Variants in ADCY2 observed in about 807,000 individuals in gnomAD.
The protein encoded by ADCY2 is adenylate cyclase type 2.
ADCY2 carries 31 observed loss-of-function variants against 125.2 expected under a neutral mutation model. The ratio of observed to expected loss-of-function variants is 0.25; its 90% confidence interval spans 0.19 to 0.33. ADCY2 has a LOEUF of 0.33. ADCY2 is among the 10% of genes least tolerant of loss of function. The pLI is 1.00. For missense variants in ADCY2, 904 were observed against 1,418.2 expected (o/e 0.64, Z 5.82); for synonymous variants, 512 against 548.4 (o/e 0.93, Z 0.93).
At chr5:7,728,064 TA>T (rs1741985669) in intron 14 of ADCY2, among the ~76,000 whole-genome samples, 1 of 152,162 alleles carries the variant, frequency 6.6e-6, no homozygotes, top group Admixed American at 6.5e-5. Context: ...TCTGATCATA[TA>T]TTTTTTTCTT....
rs191635120 is a variant in ADCY2, at chr5:7,754,503, T to C, written c.1957-2946T>C. ...TCATAATTTCACAAATATAAGAGCATTGATTTTAATAATTTTCTCTTAAAG... is the reference window on the plus strand; with the variant it reads ...TCATAATTTCACAAATATAAGAGCACTGATTTTAATAATTTTCTCTTAAAG... On this transcript the variant is annotated intron_variant, in intron 15 of 24. Transcript: ENST00000338316. 1.7e-3 allele frequency among the ~76,000 whole-genome samples: 266 copies of C among 152,296 alleles called. 2 individuals are homozygous for C. The highest frequency in any genetic ancestry group is 6.2e-3 in the African/African-American group (259 of 41,552).
chr5:7,465,746 G>T (rs1165037421), intron 2 of ADCY2, among the ~76,000 whole-genome samples: 1 of 152,140 alleles, frequency 6.6e-6, no homozygotes, highest in Non-Finnish European at 1.5e-5. Context: ...TGTATAGATA[G>T]ATCTATAAAT....
chr5:7,762,945 C>T (rs1743270266), intron 16 of ADCY2, among the ~76,000 whole-genome samples: 1 of 152,108 alleles, frequency 6.6e-6, no homozygotes, highest in African/African-American at 2.4e-5. Context: ...AAAACTTCAT[C>T]GTTTTAAAGA....
At chr5:7,633,264 C>G (rs1738383364) in intron 4 of ADCY2, among the ~76,000 whole-genome samples, 1 of 151,846 alleles carries the variant, frequency 6.6e-6, no homozygotes, top group Non-Finnish European at 1.5e-5. Context: ...AACCCTGTCT[C>G]TACTAAAAAT....
At chr5:7,677,778 ATTG>A (rs1740183419) in intron 4 of ADCY2, among the ~76,000 whole-genome samples, 2 of 152,202 alleles carry the variant, frequency 1.3e-5, no homozygotes, top group African/African-American at 2.4e-5. Context: ...AAAATCCATC[ATTG>A]TTGTTCCAAA....
At chr5:7,672,723 T>G (rs542001987) in intron 4 of ADCY2, among the ~76,000 whole-genome samples, 1 of 152,346 alleles carries the variant, frequency 6.6e-6, no homozygotes, top group South Asian at 2.1e-4. Context: ...ATGAAATTGT[T>G]TATTTTTCAC....
chr5:7,637,391 C>G (rs1027617712), intron 4 of ADCY2, among the ~76,000 whole-genome samples: 8 of 136,436 alleles, frequency 5.9e-5, no homozygotes, highest in African/African-American at 2.3e-4. Context: ...GATATCACAA[C>G]ACTGCACTAC....
intron 2 of ADCY2, among the ~76,000 whole-genome samples, chr5:7,492,501 A>AT (rs1173173116): frequency 6.6e-6 from 1 of 152,208 alleles, no homozygotes; most frequent in African/African-American, 2.4e-5. Flanking sequence ...ATGAACAGAT[A>AT]TTAAAGGAAG....
chr5:7,754,651 C>T (rs531966202), intron 15 of ADCY2, among the ~76,000 whole-genome samples: 1 of 152,098 alleles, frequency 6.6e-6, no homozygotes, highest in South Asian at 2.1e-4. Flanking sequence ...ATTTGAAGCT[C>T]GGCTCTTCAT....
chr5:7,507,477 T>G (rs1480330075), intron 2 of ADCY2, among the ~76,000 whole-genome samples: 1 of 150,906 alleles, frequency 6.6e-6, no homozygotes, highest in Non-Finnish European at 1.5e-5. Context: ...CAAAGCCACT[T>G]TTGTAAAAAC....
At chr5:7,693,413 G>GTTTTTTTTTTTTTTTTTTTTTTT (rs70940751) in intron 5 of ADCY2, among the ~76,000 whole-genome samples, 12 of 32,420 alleles carry the variant, frequency 3.7e-4, no homozygotes, top group Non-Finnish European at 4.9e-4. Context: ...GCTGTTTTTT[G>GTTTTTTTTTTTTTTTTTTTTTTT]TTTTTTTTTT....
At chr5:7,588,930 G>T (rs1736719192) in intron 3 of ADCY2, among the ~76,000 whole-genome samples, 1 of 152,174 alleles carries the variant, frequency 6.6e-6, no homozygotes, top group Non-Finnish European at 1.5e-5. Flanking sequence ...GAAAATAAAA[G>T]TTATCTGATA....
intron 4 of ADCY2, among the ~76,000 whole-genome samples, chr5:7,683,521 A>C (rs1579312419): frequency 6.6e-6 from 1 of 152,142 alleles, no homozygotes; most frequent in Non-Finnish European, 1.5e-5. Context: ...CAAAGTCACT[A>C]TCTGTGACAC....
intron 17 of ADCY2, among the ~76,000 whole-genome samples, chr5:7,768,824 A>T (rs943859775): frequency 6.6e-6 from 1 of 152,210 alleles, no homozygotes; most frequent in Non-Finnish European, 1.5e-5. Context: ...GGCCTTGAAG[A>T]TCCTGGCCAG....
chr5:7,792,369 C>T (rs1744277126), intron 20 of ADCY2, among the ~76,000 whole-genome samples: 1 of 152,024 alleles, frequency 6.6e-6, no homozygotes, highest in Admixed American at 6.6e-5. Context: ...ACTCCAGCCT[C>T]AGCAACAAGA....
In ADCY2 at chr5:7,828,146, G is replaced by A. The variant is rs1745546153; in HGVS notation, c.*1275G>A. The A allele has an allele frequency of 6.5e-6, 1 of 152,824 alleles. No individual in the cohort carries two copies. The highest frequency in any genetic ancestry group is 2.4e-5 in the African/African-American group (1 of 41,466). The allele number at this position is 152,824 out of a possible 1,614,324, so 9.5% of individuals were successfully genotyped here. A position where few individuals can be genotyped will look rare whatever the true frequency, so the allele number is the denominator to read the frequency against. ...ATCATACTTTGCCAAATAGTGAAAAGTAGAGCAATCGTGTATAAGCTAATG... is the reference window on the plus strand; with the variant it reads ...ATCATACTTTGCCAAATAGTGAAAAATAGAGCAATCGTGTATAAGCTAATG... On this transcript the variant is annotated 3_prime_UTR_variant, in exon 25 of 25. Transcript: ENST00000338316.
intron 3 of ADCY2, among the ~76,000 whole-genome samples, chr5:7,590,622 TG>T (rs1485477990): frequency 6.6e-6 from 1 of 151,310 alleles, no homozygotes; most frequent in Non-Finnish European, 1.5e-5. Context: ...ATAGTTTAAG[TG>T]TGTTGCCTGG....
chr5:7,696,847 C>G (rs988962673), intron 6 of ADCY2, among the ~76,000 whole-genome samples: 7 of 152,130 alleles, frequency 4.6e-5, no homozygotes, highest in African/African-American at 1.4e-4. Context: ...TGTAAAAAAT[C>G]AGTAAAAGCA....
chr5:7,708,031 G>A, intron 9 of ADCY2, 193 bp downstream of exon 9: 1 of 606,002 alleles, frequency 1.7e-6, no homozygotes, highest in South Asian at 2.7e-5. Flanking sequence ...TAAATGAGCA[G>A]TTGAAATGCA....
Sources: allele counts gnomAD v4.1 joint callset (sites outside exome capture counted in the v4.1 genomes callset), GRCh38; gene constraint gnomAD v4.1.1; transcripts MANE v1.5; gene names NCBI Gene and HGNC (gene_info 2026-07-23, HGNC 2026-07-21).